PPM1L: variants seen among roughly 807,000 people sequenced by gnomAD.
The protein encoded by PPM1L is protein phosphatase 1L.
PPM1L carries 13 observed loss-of-function variants against 31.4 expected under a neutral mutation model. That is an observed-to-expected ratio of 0.41 (90% CI 0.27 to 0.66). PPM1L has a LOEUF of 0.66. PPM1L is among the 30% of genes least tolerant of loss of function. PPM1L has a pLI of 0.29. For synonymous variants in PPM1L, 184 were observed against 175.4 expected (o/e 1.05, Z -0.39); for missense variants, 326 against 453.7 (o/e 0.72, Z 2.56).
At chr3:160,943,170 A>G (rs144161262) in intron 1 of PPM1L, among the ~76,000 whole-genome samples, 1 of 152,314 alleles carries the variant, frequency 6.6e-6, no homozygotes, top group East Asian at 1.9e-4. Flanking sequence ...TCTCACAGCG[A>G]TCAGGGTAAT....
At chr3:160,806,966 AAG>A (rs1712621929) in intron 1 of PPM1L, among the ~76,000 whole-genome samples, 1 of 151,978 alleles carries the variant, frequency 6.6e-6, no homozygotes, top group Non-Finnish European at 1.5e-5. Flanking sequence ...AAAGGAAAGA[AAG>A]AGAAAGAAAG....
intron 2 of PPM1L, chr3:161,022,104 G>A: frequency 1.6e-6 from 1 of 642,136 alleles, no homozygotes; most frequent in African/African-American, 1.9e-5. Context: ...ATACTTTTGT[G>A]TAGCTAGATG....
chr3:161,039,518 T>C (rs1718844845), intron 2 of PPM1L, among the ~76,000 whole-genome samples: 2 of 152,090 alleles, frequency 1.3e-5, no homozygotes, highest in Admixed American at 6.6e-5. Context: ...ACCTCATATT[T>C]TATTTTTTAT....
chr3:160,767,898 T>A (rs1385947598), intron 1 of PPM1L, among the ~76,000 whole-genome samples: 1 of 152,222 alleles, frequency 6.6e-6, no homozygotes. Context: ...CATTTATCGT[T>A]TTAATTAAAT....
At chr3:161,038,682 A>G (rs1030580973) in intron 2 of PPM1L, among the ~76,000 whole-genome samples, 2 of 150,918 alleles carry the variant, frequency 1.3e-5, no homozygotes, top group Admixed American at 6.6e-5. Flanking sequence ...TAAATATTAT[A>G]GTCTAGTCTC....
At chr3:160,823,232 T>C (rs1186289528) in intron 1 of PPM1L, among the ~76,000 whole-genome samples, 7 of 152,108 alleles carry the variant, frequency 4.6e-5, no homozygotes, top group Non-Finnish European at 8.8e-5. Context: ...TTATTTACTT[T>C]CTTTGATTTT....
intron 1 of PPM1L, among the ~76,000 whole-genome samples, chr3:160,926,478 G>A (rs746921757): frequency 1.3e-5 from 2 of 152,206 alleles, no homozygotes; most frequent in Admixed American, 6.5e-5. Context: ...GTTTCATTTC[G>A]ATAAGGCAGT....
chr3:161,062,143 GGGA>G (rs1719591276), intron 2 of PPM1L, among the ~76,000 whole-genome samples: 1 of 150,912 alleles, frequency 6.6e-6, no homozygotes, highest in African/African-American at 2.5e-5. Context: ...TTAGTGGGGG[GGGA>G]AAAAAAAAAG....
At chr3:161,010,320 A>G (rs537792668) in intron 2 of PPM1L, among the ~76,000 whole-genome samples, 75 of 152,306 alleles carry the variant, frequency 4.9e-4, no homozygotes, top group African/African-American at 1.7e-3. Context: ...TGTCCCTACA[A>G]AGGACATGAA....
chr3:160,792,029 A>T (rs1712122658), intron 1 of PPM1L, among the ~76,000 whole-genome samples: 1 of 152,128 alleles, frequency 6.6e-6, no homozygotes, highest in Non-Finnish European at 1.5e-5. Flanking sequence ...GGTGTGTGTT[A>T]ACTTATGGCT....
intron 1 of PPM1L, among the ~76,000 whole-genome samples, chr3:160,865,769 C>T (rs573616707): frequency 1.6e-4 from 24 of 152,196 alleles, no homozygotes; most frequent in South Asian, 4.1e-4. Flanking sequence ...AGTGAGACTC[C>T]GTCTCATAAA....
chr3:160,881,752 G>A (rs764559305), intron 1 of PPM1L, among the ~76,000 whole-genome samples: 2 of 152,172 alleles, frequency 1.3e-5, no homozygotes. Context: ...GAGTGGTCAA[G>A]TAAGAGGTAT....
rs1364030309 is a variant in PPM1L, at chr3:161,077,404, G to C, written c.*8247G>C. ...GGTGCCACTGGAAGCCTCCACCCAA[G>C]TGGGCCAGCAGCTGTGCAAGGGTGC... is the stretch of plus-strand genomic sequence containing the variant. On this transcript the variant is annotated 3_prime_UTR_variant, in exon 4 of 4. Transcript: ENST00000498165. 1 of 152,388 alleles carries C rather than the reference G, an allele frequency of 6.6e-6. No individual in the cohort carries two copies. Among genetic ancestry groups the C allele is most frequent in the Non-Finnish European group, 1.5e-5 (1 of 68,170 alleles). The allele number at this position is 152,388 out of a possible 1,614,324, so 9.4% of individuals were successfully genotyped here.
rs1034601732 is a variant in PPM1L, at chr3:161,038,801, G to GA, written c.575-26597dup. Among the ~76,000 whole-genome samples, 21 of 152,196 alleles carry GA rather than the reference G, an allele frequency of 1.4e-4. No homozygotes were observed. The South Asian group carries it at 3.1e-3, about 23-fold the overall frequency. Reference sequence around the variant, plus strand: ...CAACTCTATCTTAAATGGGAGCTGGGAAAAATGAGCTGAAATCTACCGGGC... The same window carrying GA: ...CAACTCTATCTTAAATGGGAGCTGGGAAAAAATGAGCTGAAATCTACCGGGC... On this transcript the variant is annotated intron_variant, in intron 2 of 3. Coordinates refer to ENST00000498165, the MANE Select transcript of PPM1L (RefSeq NM_139245.4).
chr3:161,066,509 C>T (rs1199757256), intron 3 of PPM1L, among the ~76,000 whole-genome samples: 1 of 152,082 alleles, frequency 6.6e-6, no homozygotes, highest in African/African-American at 2.4e-5. Context: ...CCTGTGTGGG[C>T]CTTGCTAGAG....
intron 1 of PPM1L, among the ~76,000 whole-genome samples, chr3:160,935,023 C>A (rs1714921165): frequency 6.6e-6 from 1 of 152,024 alleles, no homozygotes; most frequent in African/African-American, 2.4e-5. Flanking sequence ...ATAAATGTAT[C>A]TAGATATGGA....
chr3:161,036,126 T>C (rs533692248), intron 2 of PPM1L: 157 of 152,334 alleles, frequency 1.0e-3, no homozygotes, highest in African/African-American at 3.6e-3. Flanking sequence ...TCCAGGTCAG[T>C]GTGGGGGAAT....
intron 1 of PPM1L, among the ~76,000 whole-genome samples, chr3:160,916,290 T>C (rs1714178111): frequency 6.6e-6 from 1 of 152,026 alleles, no homozygotes; most frequent in South Asian, 2.1e-4. Context: ...ATTTATGCAG[T>C]GAAAACACAC....
chr3:161,053,360 C>G (rs1719328968), intron 2 of PPM1L, among the ~76,000 whole-genome samples: 1 of 152,084 alleles, frequency 6.6e-6, no homozygotes, highest in African/African-American at 2.4e-5. Flanking sequence ...GCAAGTGGAC[C>G]CACTGTGGTT....
Sources: allele counts gnomAD v4.1 joint callset (sites outside exome capture counted in the v4.1 genomes callset), GRCh38; gene constraint gnomAD v4.1.1; transcripts MANE v1.5; gene names NCBI Gene and HGNC (gene_info 2026-07-23, HGNC 2026-07-21).